The following TERT variants were observed in gnomAD, a reference collection of about 807,000 sequenced individuals.
The protein encoded by TERT is telomerase reverse transcriptase.
TERT carries 42 observed loss-of-function variants against 104.0 expected under a neutral mutation model. That is an observed-to-expected ratio of 0.40 (90% CI 0.32 to 0.52). The LOEUF is 0.52. TERT is among the 20% of genes least tolerant of loss of function. The pLI is 0.43. For missense variants in TERT, 1,101 were observed against 1,610.3 expected (o/e 0.68, Z 5.41); for synonymous variants, 781 against 725.6 (o/e 1.08, Z -1.23).
chr5:1,260,000 C>T (rs563811552), intron 12 of TERT, among the ~76,000 whole-genome samples: 35 of 152,164 alleles, frequency 2.3e-4, no homozygotes, highest in Admixed American at 8.5e-4. Flanking sequence ...AGGGAGTGGA[C>T]GCGGATGCCC....
chr5:1,272,428 G>C, intron 6 of TERT, 148 bp from the exon 7 acceptor site: 1 of 791,874 alleles, frequency 1.3e-6, no homozygotes. Context: ...GCTTCTGTTT[G>C]GGAAACGGGG....
In TERT at chr5:1,253,532, T is replaced by TGGACACTCGCTCAGGCCTCAGCC; in HGVS notation, c.*173_*195dup. ...GTGTGCTGGACACTCAGCCCTTGGCTGGACACTCGCTCAGGCCTCAGCCGG... is the reference window on the plus strand; with the variant it reads ...GTGTGCTGGACACTCAGCCCTTGGCTGGACACTCGCTCAGGCCTCAGCCGGACACTCGCTCAGGCCTCAGCCGG... On this transcript the variant is annotated 3_prime_UTR_variant, in exon 16 of 16. Coordinates refer to ENST00000310581, the MANE Select transcript of TERT (RefSeq NM_198253.3). 1.6e-6 allele frequency: 1 copy of TGGACACTCGCTCAGGCCTCAGCC among 618,744 alleles called. No individual in the cohort carries two copies. Among genetic ancestry groups the TGGACACTCGCTCAGGCCTCAGCC allele is most frequent in the Non-Finnish European group, 2.9e-6 (1 of 345,352 alleles). The allele number at this position is 618,744 out of a possible 1,614,324, so 38.3% of individuals were successfully genotyped here. A position where few individuals can be genotyped will look rare whatever the true frequency, so the allele number is the denominator to read the frequency against.
Position 1,294,916 on chromosome 5 carries a change from G to A in TERT, c.74C>T (p.Ala25Val). ...GGGCCCCAGGCGCCGCACGAACGTG[G>A]CCAGCGGCAGCACCTCGCGGTAGTG... is the stretch of plus-strand genomic sequence containing the variant. ...RSHYREVLPL[A>V]TFVRRLGPQG... Residue 25 changes from alanine (A) to valine (V), a missense_variant, in exon 1 of 16, where the codon GCC (alanine) becomes GTC (valine). Coordinates refer to ENST00000310581, the MANE Select transcript of TERT (RefSeq NM_198253.3). The A allele has an allele frequency of 7.0e-7, 1 of 1,429,582 alleles. No individual in the cohort carries two copies. The highest frequency in any genetic ancestry group is 3.0e-5 in the East Asian group (1 of 32,952). The allele number at this position is 1,429,582 out of a possible 1,614,324, so 88.6% of individuals were successfully genotyped here. A position where few individuals can be genotyped will look rare whatever the true frequency, so the allele number is the denominator to read the frequency against.
At chr5:1,266,807 G>T (rs555427972) in intron 9 of TERT, among the ~76,000 whole-genome samples, 1 of 152,288 alleles carries the variant, frequency 6.6e-6, no homozygotes, top group East Asian at 1.9e-4. Context: ...CATCAGGCGC[G>T]GCCCCACTTC....
chr5:1,256,623 C>G lies in TERT; in HGVS notation c.3033-1212G>C, dbSNP rs1009339614. On this transcript the variant is annotated intron_variant, in intron 13 of 15. Transcript: ENST00000310581. The surrounding 1 kb of genome is among the most constrained non-coding windows in gnomAD (Gnocchi z 7.0). ...AGCCACTTCTGGAATGACCTGAGAT[C>G]ACACCAGTCAAGCCAGCACCCCGGT... Among the ~76,000 whole-genome samples the G allele has an allele frequency of 6.6e-6, 1 of 152,180 alleles. No homozygotes were observed. The highest frequency in any genetic ancestry group is 1.5e-5 in the Non-Finnish European group (1 of 68,044).
In TERT at chr5:1,268,402, G is replaced by A; in HGVS notation, c.2582+118C>T. On this transcript the variant is annotated intron_variant, in intron 9 of 15. Transcript: ENST00000310581. The surrounding 1 kb of genome is among the most constrained non-coding windows in gnomAD (Gnocchi z 5.5). ...CATACCAAGAAGGGGCTGCAACCTT[G>A]TCTGGTTCCTCAAGACAGAGCAGTC... 1.2e-6 allele frequency: 1 copy of A among 812,318 alleles called. No homozygotes were observed. 50.3% of individuals were successfully genotyped at this position (812,318 alleles called of 1,614,324 possible).
intron 3 of TERT, among the ~76,000 whole-genome samples, chr5:1,282,077 G>A (rs1482152911): frequency 2.0e-5 from 3 of 150,970 alleles, no homozygotes; most frequent in African/African-American, 4.9e-5. Flanking sequence ...AACAGAGTGA[G>A]ACTCCATCTC....
rs971484529 is a variant in TERT, at chr5:1,256,998, C to T, written c.3033-1587G>A. ...CACTGCAGCCTGGCTGCCGTGAAAT[C>T]GGGGCCCAGCTCTCCGTTCTCCCAC... On this transcript the variant is annotated intron_variant, in intron 13 of 15. Transcript: ENST00000310581. The surrounding 1 kb of genome is among the most constrained non-coding windows in gnomAD (Gnocchi z 7.0). Among the ~76,000 whole-genome samples, 4 of 152,172 alleles carry T rather than the reference C, an allele frequency of 2.6e-5. No individual in the cohort carries two copies. The highest frequency in any genetic ancestry group is 4.8e-5 in the African/African-American group (2 of 41,462).
At chr5:1,285,345 G>A (rs1181587141) in intron 2 of TERT, among the ~76,000 whole-genome samples, 1 of 152,136 alleles carries the variant, frequency 6.6e-6, no homozygotes, top group Non-Finnish European at 1.5e-5. Flanking sequence ...AACAGCCATG[G>A]CCATGGGAAG....
rs972552451 is a variant in TERT at position 1,288,990 on chromosome 5, C to T, written c.1573+4323G>A. ...CCAGCACTGCGCCTGCACCATCTAC[C>T]CAGGCAATGGGCAACCGGCGCAGCT... On this transcript the variant is annotated intron_variant, in intron 2 of 15. Transcript: ENST00000310581. The surrounding 1 kb of genome is among the most constrained non-coding windows in gnomAD (Gnocchi z 5.3). 6.6e-6 allele frequency among the ~76,000 whole-genome samples: 1 copy of T among 152,156 alleles called. No individual in the cohort carries two copies. Among genetic ancestry groups the T allele is most frequent in the Non-Finnish European group, 1.5e-5 (1 of 68,020 alleles).
intron 4 of TERT, 125 bp from the exon 5 acceptor site, chr5:1,279,595 G>A: frequency 1.0e-6 from 1 of 954,648 alleles, no homozygotes; most frequent in Non-Finnish European, 1.6e-6. Context: ...CCGGGACCTA[G>A]AACCCCTCCC....
Position 1,288,526 on chromosome 5 carries a change from G to A in TERT, c.1573+4787C>T, listed in dbSNP as rs569719201. Among the ~76,000 whole-genome samples, 10 of 152,036 alleles carry A rather than the reference G, an allele frequency of 6.6e-5. No individual in the cohort carries two copies. The highest frequency in any genetic ancestry group is 1.2e-4 in the Non-Finnish European group (8 of 68,010). ...TGGACGTCAATCCATGTGAGGGGGC[G>A]ACTGGAGGCAGAGCCCAGCCTAAGC... is the stretch of plus-strand genomic sequence containing the variant. On this transcript the variant is annotated intron_variant, in intron 2 of 15. Transcript: ENST00000310581. This position sits in a 1 kb window ranked among gnomAD's most constrained non-coding sequence, Gnocchi z 5.3.
In TERT at chr5:1,255,265, G is replaced by T; in HGVS notation, c.3157+22C>A. 1 of 1,612,262 alleles carries T rather than the reference G, an allele frequency of 6.2e-7. No homozygotes were observed. The highest frequency in any genetic ancestry group is 8.5e-7 in the Non-Finnish European group (1 of 1,179,268). On this transcript the variant is annotated intron_variant, in intron 14 of 15. Coordinates refer to ENST00000310581, the MANE Select transcript of TERT (RefSeq NM_198253.3). This position sits in a 1 kb window ranked among gnomAD's most constrained non-coding sequence, Gnocchi z 6.9. Reference sequence around the variant, plus strand: ...CCAGCAGGCAGGCACTGCTGCCACTGAGGCCAGGCACCTGCACATACCTGC... The same window carrying T: ...CCAGCAGGCAGGCACTGCTGCCACTTAGGCCAGGCACCTGCACATACCTGC...
chr5:1,266,277 G>A (rs568622265), intron 10 of TERT, among the ~76,000 whole-genome samples, 187 bp downstream of exon 10: 10 of 152,372 alleles, frequency 6.6e-5, no homozygotes, highest in African/African-American at 9.6e-5. Flanking sequence ...ACTCCCTCCC[G>A]AAGGTGCCCC....
In TERT at chr5:1,278,645, C is replaced by T. The variant is rs1749780917; in HGVS notation, c.2282G>A (p.Ser761Asn). Residue 761 changes from serine (S) to asparagine (N), a missense_variant, in exon 6 of 16, where the codon AGC becomes AAC. This residue lies in a region of TERT where 463 missense variants were observed against 797.5 expected (regional missense o/e 0.58). Coordinates refer to ENST00000310581, the MANE Select transcript of TERT (RefSeq NM_198253.3). ...AHGHVRKAFK[S>N]HVSTLTDLQP... ...ACTATCACACGTGAACCTTACGTGG[C>T]TCTTGAAGGCCTTGCGGACGTGCCC... is the stretch of plus-strand genomic sequence containing the variant. The T allele has an allele frequency of 6.2e-7, 1 of 1,614,124 alleles. No homozygotes were observed. Among genetic ancestry groups the T allele is most frequent in the Non-Finnish European group, 8.5e-7 (1 of 1,180,046 alleles).
At position 1,278,691 on chromosome 5, in the gene TERT, C is replaced by T. The variant is rs1321220917; in HGVS notation, c.2236G>A (p.Val746Met). ...TGCCCATGGGCGGCCTTCTGGACCACGGCATACCGACGCACGCAGTACGTG... is the reference window on the plus strand; with the variant it reads ...TGCCCATGGGCGGCCTTCTGGACCATGGCATACCGACGCACGCAGTACGTG... The part of the protein sequence containing the change: ...QNTYCVRRYA[V>M]VQKAAHGHVR... The change falls in exon 6 of 16, where the codon GTG becomes ATG. Residue 746 changes from valine to methionine, a missense_variant. This residue lies in a region of TERT where 463 missense variants were observed against 797.5 expected (regional missense o/e 0.58). Transcript: ENST00000310581. 1 of 1,614,176 alleles carries T rather than the reference C, an allele frequency of 6.2e-7. No individual in the cohort carries two copies. The highest frequency in any genetic ancestry group is 1.1e-5 in the South Asian group (1 of 91,086).
Position 1,271,171 on chromosome 5 carries a change from A to G in TERT, c.2416T>C (p.Phe806Leu). ...CACATGAAGCGTAGGAAGACGTCGAAGAGGCCACTGCTGGCCTCATTCAGG... is the reference window on the plus strand; with the variant it reads ...CACATGAAGCGTAGGAAGACGTCGAGGAGGCCACTGCTGGCCTCATTCAGG... ...SSLNEASSGL[F>L]DVFLRFMCHH... Residue 806 changes from phenylalanine to leucine, a missense_variant, in exon 8 of 16, where the codon TTC becomes CTC. By Grantham distance (22) the Phe-to-Leu change is conservative. Coordinates refer to ENST00000310581, the MANE Select transcript of TERT (RefSeq NM_198253.3). 1 of 1,613,226 alleles carries G rather than the reference A, an allele frequency of 6.2e-7. No individual in the cohort carries two copies. The highest frequency in any genetic ancestry group is 1.1e-5 in the South Asian group (1 of 91,084).
intron 6 of TERT, among the ~76,000 whole-genome samples, chr5:1,276,297 C>A (rs945696727): frequency 7.0e-6 from 1 of 142,640 alleles, no homozygotes; most frequent in Non-Finnish European, 1.5e-5. Flanking sequence ...ACCAACTCCA[C>A]AGATCCCCAC....
Position 1,263,194 on chromosome 5 carries a change from A to G in TERT, c.2843+1210T>C, listed in dbSNP as rs1465034795. ...CCCAGGGAGCATTCTGGAAAGAGGC[A>G]AAGTCCAGATCTGGACTGTTAACTC... On this transcript the variant is annotated intron_variant, in intron 11 of 15. Transcript: ENST00000310581. The surrounding 1 kb of genome is among the most constrained non-coding windows in gnomAD (Gnocchi z 5.3). 2.6e-5 allele frequency among the ~76,000 whole-genome samples: 4 copies of G among 152,214 alleles called. No individual in the cohort carries two copies. Among genetic ancestry groups the G allele is most frequent in the African/African-American group, 4.8e-5 (2 of 41,440 alleles).
Sources: gnomAD v4.1 joint callset for allele counts (sites outside exome capture counted in the v4.1 genomes callset) on GRCh38, gnomAD v4.1.1 for gene constraint, gnomAD v4.1.1 regional missense constraint, Gnocchi (gnomAD v3.1) non-coding constraint, MANE v1.5 for transcripts, NCBI Gene and HGNC (gene_info 2026-07-23, HGNC 2026-07-21) for gene names.